The following BEST3 variants were observed in gnomAD, a reference collection of about 807,000 sequenced individuals.
BEST3 encodes bestrophin 3, also known as bestrophin-3.
In BEST3, 50 loss-of-function variants were observed where a neutral mutation model predicts 47.1. The ratio of observed to expected loss-of-function variants is 1.06; its 90% CI spans 0.85 to 1.34. The LOEUF (loss-of-function observed/expected upper bound fraction) is 1.34, where lower values mean the gene tolerates loss of function less well. BEST3 is among the 40% of genes most tolerant of loss of function. The pLI is 0.00. For synonymous variants in BEST3, 282 were observed against 298.8 expected, an observed-to-expected ratio of 0.94 and a Z score of 0.58; for missense variants, 765 against 817.0, an observed-to-expected ratio of 0.94 and a Z score of 0.78.
At chr12:69,685,795 C>G (rs1362559554) in intron 4 of BEST3, among the ~76,000 whole-genome samples, 1 of 152,186 alleles carries the variant, frequency 6.6e-6, no homozygotes, top group Non-Finnish European at 1.5e-5. Flanking sequence ...TGAATGTGGT[C>G]TGCAACCATA....
At chr12:69,643,827 T>G (rs1320742715) in intron 9 of BEST3, 2 of 689,458 alleles carry the variant, frequency 2.9e-6, no homozygotes, top group Non-Finnish European at 5.4e-6. Flanking sequence ...CTTTTCTTTC[T>G]ACACGTATAC....
chr12:69,654,847 A>AT lies in BEST3; in HGVS notation c.*59dup. 1 of 1,550,938 alleles carries AT rather than the reference A, an allele frequency of 6.4e-7. No homozygotes were observed. Among genetic ancestry groups the AT allele is most frequent in the Non-Finnish European group, 8.7e-7 (1 of 1,150,960 alleles). The stretch of plus-strand genomic sequence containing the variant: ...CCTTCAGGTATGTCCTGGGCCTAAT[A>AT]TGCTGCTTTTGGGGAGGTAAGAATC... On this transcript the variant is annotated 3_prime_UTR_variant, in exon 10 of 10. Transcript: ENST00000330891.
rs2135907160 is a variant in BEST3, at chr12:69,655,034, A to G, written c.1880T>C (p.Ile627Thr). ...GCCAGCCACAATGTTGATCCCACTG[A>G]TCTCTGAGGATGTTTCTGTGTCAAT... ...LLIDTETSSE[I>T]SGINIVAGSR... The change falls in exon 10 of 10, where the codon ATC (isoleucine) becomes ACC (threonine). Residue 627 changes from isoleucine (I) to threonine (T), a missense_variant. Coordinates refer to ENST00000330891, the MANE Select transcript of BEST3 (RefSeq NM_032735.3). The G allele has an allele frequency of 6.2e-7, 1 of 1,614,092 alleles. No individual in the cohort carries two copies. Among genetic ancestry groups the G allele is most frequent in the East Asian group, 2.2e-5 (1 of 44,870 alleles).
intron 9 of BEST3, among the ~76,000 whole-genome samples, chr12:69,656,818 A>T (rs1883530920): frequency 6.6e-6 from 1 of 152,150 alleles, no homozygotes; most frequent in South Asian, 2.1e-4. Context: ...GGGTCAAGGG[A>T]TGAGCTAGAG....
intron 4 of BEST3, among the ~76,000 whole-genome samples, chr12:69,682,370 A>C (rs771296676): frequency 6.6e-6 from 1 of 152,172 alleles, no homozygotes; most frequent in Non-Finnish European, 1.5e-5. Flanking sequence ...ACAGGAGACT[A>C]GTTTTAGATA....
At chr12:69,646,088 C>T (rs1362428699) in intron 9 of BEST3, among the ~76,000 whole-genome samples, 2 of 152,150 alleles carry the variant, frequency 1.3e-5, no homozygotes, top group African/African-American at 4.8e-5. Context: ...AGGTGCCTGC[C>T]ACCATGCTCA....
intron 8 of BEST3, 128 bp from the exon 9 acceptor site, chr12:69,671,707 G>A (rs1884585347): frequency 4.9e-6 from 4 of 823,100 alleles, no homozygotes; most frequent in South Asian, 1.7e-5. Flanking sequence ...ACAAATGTCT[G>A]TAGTTCATAC....
chr12:69,698,245 G>T (rs574274277), intron 1 of BEST3, among the ~76,000 whole-genome samples: 3 of 152,324 alleles, frequency 2.0e-5, no homozygotes, highest in Non-Finnish European at 4.4e-5. Context: ...CAGCCAAAAA[G>T]TTGGGTCATA....
intron 9 of BEST3, among the ~76,000 whole-genome samples, chr12:69,667,686 C>A (rs1884312610): frequency 1.3e-5 from 2 of 152,162 alleles, no homozygotes; most frequent in Admixed American, 1.3e-4. Context: ...GTCTTCATTG[C>A]GTGTGTTCCC....
chr12:69,674,737 C>T (rs1477240622), intron 7 of BEST3, among the ~76,000 whole-genome samples: 4 of 152,014 alleles, frequency 2.6e-5, no homozygotes, highest in Non-Finnish European at 5.9e-5. Context: ...TCTTTTATTC[C>T]ACTGGGGGCT....
At position 69,655,099 on chromosome 12, in the gene BEST3, G is replaced by A. The variant is rs898678774; in HGVS notation, c.1815C>T (p.Asn605=). 3.1e-6 allele frequency: 5 copies of A among 1,614,046 alleles called. No homozygotes were observed. The African/African-American group carries it at 5.3e-5, about 17-fold the overall frequency. ...FLGSSHTSLG[N]LSPDPMSSQP... ...GAGAGCTCATGGGGTCTGGACTTAG[G>A]TTTCCCAGGGAAGTGTGGCTGGACC... Residue 605 remains asparagine, a synonymous_variant, in exon 10 of 10, where the codon AAC becomes AAT. Transcript: ENST00000330891.
chr12:69,649,876 G>T (rs748516122), downstream of BEST3, among the ~76,000 whole-genome samples: 1 of 152,148 alleles, frequency 6.6e-6, no homozygotes, highest in African/African-American at 2.4e-5. Context: ...TTTTAGAAAC[G>T]TTCTTATTTG....
At chr12:69,676,820 A>G in intron 7 of BEST3, 96 bp downstream of exon 7, 1 of 1,301,988 alleles carries the variant, frequency 7.7e-7, no homozygotes, top group Non-Finnish European at 1.1e-6. Context: ...CCTTTGACTC[A>G]CTCATGAATG....
intron 4 of BEST3, among the ~76,000 whole-genome samples, chr12:69,691,807 G>C (rs1489818471): frequency 6.6e-6 from 1 of 152,190 alleles, no homozygotes; most frequent in East Asian, 1.9e-4. Context: ...AATATTCTTT[G>C]CAGGCCTGGT....
intron 7 of BEST3, among the ~76,000 whole-genome samples, chr12:69,674,470 G>C (rs561265944): frequency 2.6e-5 from 4 of 152,180 alleles, no homozygotes; most frequent in Non-Finnish European, 5.9e-5. Flanking sequence ...TCCTTGGGCA[G>C]GTCTGTGCCC....
chr12:69,690,478 C>T (rs1401174929), intron 4 of BEST3, among the ~76,000 whole-genome samples: 1 of 152,208 alleles, frequency 6.6e-6, no homozygotes, highest in Non-Finnish European at 1.5e-5. Context: ...GCTCAGTCCT[C>T]GGAGCTCATG....
chr12:69,652,048 CTTTG>C, downstream of BEST3, among the ~76,000 whole-genome samples: 1 of 152,276 alleles, frequency 6.6e-6, no homozygotes, highest in Middle Eastern at 3.4e-3. Flanking sequence ...TAACAGCCTT[CTTTG>C]TTTTGCTGGG....
At chr12:69,682,685 T>C (rs775471) in intron 4 of BEST3, among the ~76,000 whole-genome samples, 109,651 of 152,060 alleles carry the variant, frequency 0.72, 39,578 homozygotes, top group South Asian at 0.81. Context: ...CAAGCAATCC[T>C]TCCACCTCTG....
chr12:69,657,622 T>C (rs1883588069), intron 9 of BEST3, among the ~76,000 whole-genome samples: 1 of 152,126 alleles, frequency 6.6e-6, no homozygotes. Flanking sequence ...AACCAGCTGG[T>C]CCCAGTCCAC....
Sources: allele counts gnomAD v4.1 joint callset (sites outside exome capture counted in the v4.1 genomes callset), GRCh38; gene constraint gnomAD v4.1.1; transcripts MANE v1.5; gene names NCBI Gene and HGNC (gene_info 2026-07-23, HGNC 2026-07-21).